EPM2A: variants seen among roughly 807,000 people sequenced by gnomAD.
The protein encoded by EPM2A is EPM2A glucan phosphatase, laforin.
Under a neutral mutation model 26.5 loss-of-function variants are expected in EPM2A, and 21 were observed. The observed-to-expected ratio is 0.79, with a 90% CI of 0.56 to 1.14. The LOEUF (loss-of-function observed/expected upper bound fraction) is 1.14, where lower values mean the gene tolerates loss of function less well. EPM2A is among the 50% of genes most tolerant of loss of function. EPM2A has a pLI of 0.00. For synonymous variants in EPM2A, 217 were observed against 177.6 expected, an observed-to-expected ratio of 1.22 and a Z score of -1.76; for missense variants, 458 against 440.8, an observed-to-expected ratio of 1.04 and a Z score of -0.35.
intron 1 of EPM2A, among the ~76,000 whole-genome samples, chr6:145,690,187 G>A (rs759263310): frequency 6.6e-6 from 1 of 152,154 alleles, no homozygotes; most frequent in Non-Finnish European, 1.5e-5. Flanking sequence ...GGTGTCAGAA[G>A]AATTCAGTTA....
At chr6:145,432,555 C>G (rs77368141) in intron 4 of EPM2A, among the ~76,000 whole-genome samples, 2,559 of 148,768 alleles carry the variant, frequency 0.017, 50 homozygotes, top group African/African-American at 0.046. Flanking sequence ...ATTAAATAAA[C>G]CATGCTGTAA....
Position 145,686,249 on chromosome 6 carries a change from A to G in EPM2A, c.349T>C (p.Leu117=). ...GGGAGACAATACACACCATCCACCAAGTTGTTTTCATTGTAAGTACAGCAA... is the reference window on the plus strand; with the variant it reads ...GGGAGACAATACACACCATCCACCAGGTTGTTTTCATTGTAAGTACAGCAA... ...DRCCTYNENN[L]VDGVYCLPIG... The change falls in exon 2 of 4, where the codon TTG becomes CTG. Residue 117 remains leucine, a synonymous_variant. Coordinates refer to ENST00000367519, the MANE Select transcript of EPM2A (RefSeq NM_005670.4). The G allele has an allele frequency of 1.2e-6, 2 of 1,613,988 alleles. No homozygotes were observed. The highest frequency in any genetic ancestry group is 1.7e-6 in the Non-Finnish European group (2 of 1,179,876).
chr6:145,705,523 C>T (rs753715466), intron 1 of EPM2A: 94 of 455,724 alleles, frequency 2.1e-4, no homozygotes, highest in Non-Finnish European at 5.3e-5. Flanking sequence ...CCACTGCACT[C>T]CAGCCTGGGC....
At chr6:145,544,444 G>C (rs923453456) in intron 2 of EPM2A, among the ~76,000 whole-genome samples, 31 of 152,230 alleles carry the variant, frequency 2.0e-4, no homozygotes, top group Admixed American at 1.8e-3. Flanking sequence ...CTGCTTCCTT[G>C]GAAAAAGCAA....
intron 1 of EPM2A, among the ~76,000 whole-genome samples, chr6:145,711,650 G>T (rs1278382141): frequency 6.6e-6 from 1 of 152,158 alleles, no homozygotes; most frequent in African/African-American, 2.4e-5. Context: ...AGAGTAGTGT[G>T]CAGATAAATG....
chr6:145,503,628 T>C (rs1779927097), intron 2 of EPM2A, among the ~76,000 whole-genome samples: 1 of 97,130 alleles, frequency 1.0e-5, no homozygotes, highest in Admixed American at 1.0e-4. Flanking sequence ...TCCATGCTCA[T>C]GGGTAGGAAG....
chr6:145,712,745 T>C (rs1233582650), intron 1 of EPM2A, among the ~76,000 whole-genome samples: 1 of 152,226 alleles, frequency 6.6e-6, no homozygotes, highest in Non-Finnish European at 1.5e-5. Context: ...TTCTCCACCA[T>C]GACTATGCTC....
chr6:145,389,889 G>A (rs1216961190), intron 4 of EPM2A, among the ~76,000 whole-genome samples: 2 of 152,144 alleles, frequency 1.3e-5, no homozygotes, highest in Non-Finnish European at 2.9e-5. Flanking sequence ...GAACTTGTAG[G>A]AATATTAGAA....
chr6:145,627,838 AGG>A lies in EPM2A; in HGVS notation c.719-147_719-146del. ...AGTTTGCTTTCTTTCTGCATTGTGAAGGAAAAAGTGAGACCATTTTACAATCT... is the reference window on the plus strand; with the variant it reads ...AGTTTGCTTTCTTTCTGCATTGTGAAAAAAAGTGAGACCATTTTACAATCT... On this transcript the variant is annotated intron_variant, in intron 3 of 3. Coordinates refer to ENST00000367519, the MANE Select transcript of EPM2A (RefSeq NM_005670.4). The A allele has an allele frequency of 6.6e-6, 8 of 1,205,488 alleles. No individual in the cohort carries two copies. The Admixed American group carries it at 9.0e-5, about 14-fold the overall frequency. The allele number at this position is 1,205,488 out of a possible 1,614,324, so 74.7% of individuals were successfully genotyped here. A position where few individuals can be genotyped will look rare whatever the true frequency, so the allele number is the denominator to read the frequency against.
chr6:145,704,634 T>TC (rs1461169380), intron 1 of EPM2A, among the ~76,000 whole-genome samples: 2 of 152,312 alleles, frequency 1.3e-5, no homozygotes, highest in Admixed American at 6.5e-5. Flanking sequence ...CTGCTGGCTC[T>TC]CAGTTCACTG....
At chr6:145,517,975 C>T (rs935315295) in intron 2 of EPM2A, among the ~76,000 whole-genome samples, 1 of 152,128 alleles carries the variant, frequency 6.6e-6, no homozygotes, top group Non-Finnish European at 1.5e-5. Flanking sequence ...GAAGAGATTC[C>T]TAAGGCCACG....
chr6:145,515,141 G>A (rs1398944016), intron 2 of EPM2A, among the ~76,000 whole-genome samples: 2 of 152,168 alleles, frequency 1.3e-5, no homozygotes, highest in Non-Finnish European at 2.9e-5. Context: ...AAGGGTATGG[G>A]TATTGTTGGT....
At chr6:145,633,532 C>T (rs902629624) in intron 3 of EPM2A, among the ~76,000 whole-genome samples, 4 of 152,150 alleles carry the variant, frequency 2.6e-5, no homozygotes, top group African/African-American at 9.7e-5. Context: ...CAGGAACAAA[C>T]ATTATACCCC....
rs546122115 is a variant in EPM2A, at chr6:145,419,189, C to G, written c.556-35092G>C. ...CAAATTCTGTTAAATGTCCCCCCCC[C>G]CCGCTCCTTTCCCCAGCAGCGCATG... is the stretch of plus-strand genomic sequence containing the variant. On this transcript the variant is annotated intron_variant, in intron 4 of 4. Transcript: ENST00000638717. 4.1e-4 allele frequency among the ~76,000 whole-genome samples: 61 copies of G among 150,390 alleles called. 2 individuals are homozygous for G. Among genetic ancestry groups the G allele is most frequent in the African/African-American group, 8.8e-4 (36 of 40,862 alleles).
At chr6:145,534,885 G>A (rs999009971) in intron 2 of EPM2A, among the ~76,000 whole-genome samples, 1 of 152,138 alleles carries the variant, frequency 6.6e-6, no homozygotes, top group Non-Finnish European at 1.5e-5. Context: ...GTTACCTAAA[G>A]CTTGTTTAGG....
intron 1 of EPM2A, among the ~76,000 whole-genome samples, chr6:145,722,343 G>T (rs1238682643): frequency 1.3e-5 from 2 of 152,110 alleles, no homozygotes; most frequent in African/African-American, 2.4e-5. Flanking sequence ...TCAAGGAAAA[G>T]GACCAGTTGG....
At chr6:145,727,437 G>T (rs1776265892) in intron 1 of EPM2A, among the ~76,000 whole-genome samples, 1 of 151,946 alleles carries the variant, frequency 6.6e-6, no homozygotes, top group African/African-American at 2.4e-5. Context: ...ATGAATATCT[G>T]CCTTGCAGTG....
intron 2 of EPM2A, among the ~76,000 whole-genome samples, chr6:145,518,608 A>G (rs946907904): frequency 1.3e-5 from 2 of 151,536 alleles, no homozygotes; most frequent in Non-Finnish European, 1.5e-5. Context: ...AAAAAAAAAA[A>G]AAAAAAAAAA....
At chr6:145,530,259 C>T (rs1307013953) in intron 2 of EPM2A, among the ~76,000 whole-genome samples, 7 of 152,248 alleles carry the variant, frequency 4.6e-5, no homozygotes, top group Non-Finnish European at 5.9e-5. Context: ...ACAATCTGGG[C>T]TATTCCCTCT....
Sources: allele counts gnomAD v4.1 joint callset (sites outside exome capture counted in the v4.1 genomes callset), GRCh38; gene constraint gnomAD v4.1.1; transcripts MANE v1.5; gene names NCBI Gene and HGNC (gene_info 2026-07-23, HGNC 2026-07-21).